HTR7: variants seen among roughly 807,000 people sequenced by gnomAD.
HTR7 encodes the protein 5-HT-7.
A neutral mutation model predicts 34.0 loss-of-function variants in HTR7; 16 were observed. The ratio of observed to expected loss-of-function variants is 0.47; its 90% CI spans 0.32 to 0.71. The LOEUF is 0.71. Ranked by LOEUF, HTR7 falls within the 30% of genes least tolerant of loss-of-function variation. The probability of loss-of-function intolerance (pLI) is 0.04; values close to 1 mark genes in which losing one functional copy is unlikely to be tolerated. For synonymous variants in HTR7, 265 were observed against 260.2 expected, an observed-to-expected ratio of 1.02 and a Z score of -0.18; for missense variants, 504 against 625.5, an observed-to-expected ratio of 0.81 and a Z score of 2.07.
At chr10:90,807,741 T>C (rs1168433392) in intron 1 of HTR7, among the ~76,000 whole-genome samples, 6 of 152,204 alleles carry the variant, frequency 3.9e-5, no homozygotes, top group African/African-American at 1.2e-4. Context: ...CGCATGAAAT[T>C]TGGTGCCGTG....
intron 1 of HTR7, among the ~76,000 whole-genome samples, chr10:90,825,898 G>T (rs1259229721): frequency 6.6e-6 from 1 of 152,124 alleles, no homozygotes; most frequent in Non-Finnish European, 1.5e-5. Flanking sequence ...AAGAGTCACT[G>T]GCCTTAAAGA....
intron 1 of HTR7, among the ~76,000 whole-genome samples, chr10:90,825,607 A>G (rs1030326823): frequency 1.3e-5 from 2 of 152,234 alleles, no homozygotes; most frequent in Admixed American, 6.5e-5. Context: ...GAAATTTAAG[A>G]TAACACAGAG....
At chr10:90,743,150 A>T (rs1164927556) in intron 3 of HTR7, among the ~76,000 whole-genome samples, 2 of 152,128 alleles carry the variant, frequency 1.3e-5, no homozygotes, top group Admixed American at 1.3e-4. Context: ...GGACCCAGAG[A>T]CTGGGACTGT....
chr10:90,744,791 G>A (rs113355339), intron 2 of HTR7, among the ~76,000 whole-genome samples: 2 of 152,250 alleles, frequency 1.3e-5, no homozygotes, highest in African/African-American at 4.8e-5. Flanking sequence ...CAAATTCTTG[G>A]AGCTAGCATA....
chr10:90,822,821 C>A (rs1846006792), intron 1 of HTR7, among the ~76,000 whole-genome samples: 1 of 152,192 alleles, frequency 6.6e-6, no homozygotes, highest in Non-Finnish European at 1.5e-5. Context: ...GGTGTCCTAG[C>A]TACTCTGCTC....
At chr10:90,839,406 C>T (rs1025293498) in intron 1 of HTR7, among the ~76,000 whole-genome samples, 4 of 152,080 alleles carry the variant, frequency 2.6e-5, no homozygotes, top group African/African-American at 9.7e-5. Flanking sequence ...ATATTGATAG[C>T]CCCTTTTTGG....
chr10:90,756,942 T>C (rs561970143), intron 1 of HTR7, among the ~76,000 whole-genome samples: 2 of 152,170 alleles, frequency 1.3e-5, no homozygotes, highest in Non-Finnish European at 2.9e-5. Context: ...GAAATAGTAA[T>C]GACCCCTGAA....
intron 1 of HTR7, among the ~76,000 whole-genome samples, chr10:90,839,404 A>G (rs1846295231): frequency 6.6e-6 from 1 of 152,186 alleles, no homozygotes; most frequent in Non-Finnish European, 1.5e-5. Context: ...AAATATTGAT[A>G]GCCCCTTTTT....
chr10:90,849,209 G>A (rs1846457903), intron 1 of HTR7, among the ~76,000 whole-genome samples: 1 of 152,288 alleles, frequency 6.6e-6, no homozygotes, highest in Non-Finnish European at 1.5e-5. Flanking sequence ...GTCTTAGGGT[G>A]TATGTATTTT....
At chr10:90,803,792 G>A (rs572777167) in intron 1 of HTR7, among the ~76,000 whole-genome samples, 20 of 152,272 alleles carry the variant, frequency 1.3e-4, no homozygotes, top group African/African-American at 4.6e-4. Context: ...TACTTTGTGT[G>A]TTCTTGGCTA....
At chr10:90,786,701 C>T (rs1015794548) in intron 1 of HTR7, among the ~76,000 whole-genome samples, 4 of 152,166 alleles carry the variant, frequency 2.6e-5, no homozygotes, top group African/African-American at 4.8e-5. Context: ...CTACACACAG[C>T]GGTACTCAAC....
In HTR7 at chr10:90,756,642, T is replaced by G. The variant is rs140761174; in HGVS notation, c.540-7048A>C. On this transcript the variant is annotated intron_variant, in intron 1 of 3. Transcript: ENST00000336152. ...TTGGAAACACAGTAGCAAAGCCTCC[T>G]CTTTGAGAAAGGATATTATTATTAA... 1.2e-4 allele frequency among the ~76,000 whole-genome samples: 19 copies of G among 152,274 alleles called. No individual in the cohort carries two copies. The East Asian group carries it at 3.7e-3, about 29-fold the overall frequency.
chr10:90,750,939 G>A (rs1014723776), intron 1 of HTR7, among the ~76,000 whole-genome samples: 1 of 152,172 alleles, frequency 6.6e-6, no homozygotes, highest in African/African-American at 2.4e-5. Flanking sequence ...AGGTGTTGGG[G>A]ATAGGACAGT....
intron 1 of HTR7, among the ~76,000 whole-genome samples, chr10:90,841,393 T>C (rs193139351): frequency 6.6e-6 from 1 of 152,326 alleles, no homozygotes; most frequent in East Asian, 1.9e-4. Context: ...CGCAGTTCTG[T>C]AGGTCAGAAG....
intron 1 of HTR7, among the ~76,000 whole-genome samples, chr10:90,849,841 A>C (rs12414726): frequency 6.6e-6 from 1 of 152,082 alleles, no homozygotes; most frequent in African/African-American, 2.4e-5. Flanking sequence ...TCACACACGC[A>C]TGCACGCTAT....
intron 1 of HTR7, among the ~76,000 whole-genome samples, chr10:90,818,600 T>G (rs1845933277): frequency 2.0e-5 from 3 of 152,060 alleles, no homozygotes; most frequent in Admixed American, 1.3e-4. Flanking sequence ...TCTCACACTC[T>G]CTTGGCCTCA....
chr10:90,793,301 A>G (rs1194122509), intron 1 of HTR7, among the ~76,000 whole-genome samples: 1 of 152,072 alleles, frequency 6.6e-6, no homozygotes, highest in African/African-American at 2.4e-5. Flanking sequence ...AATCATAATT[A>G]TGATAGGGTA....
intron 1 of HTR7, among the ~76,000 whole-genome samples, chr10:90,777,462 C>G (rs962306500): frequency 1.5e-5 from 2 of 131,364 alleles, no homozygotes; most frequent in East Asian, 4.3e-4. Flanking sequence ...GCCTGGGTGA[C>G]AGAGAGAGAC....
intron 1 of HTR7, among the ~76,000 whole-genome samples, chr10:90,840,382 T>C (rs1027241074): frequency 1.3e-5 from 2 of 152,166 alleles, no homozygotes; most frequent in African/African-American, 4.8e-5. Context: ...TAAAAGTGCC[T>C]GGAATGACAC....
Sources: gnomAD v4.1 joint callset for allele counts (sites outside exome capture counted in the v4.1 genomes callset) on GRCh38, gnomAD v4.1.1 for gene constraint, MANE v1.5 for transcripts, NCBI Gene and HGNC (gene_info 2026-07-23, HGNC 2026-07-21) for gene names.